The following NDUFAF6 variants were observed in gnomAD, a reference collection of about 807,000 sequenced individuals.
NDUFAF6 encodes the protein NADH dehydrogenase (ubiquinone) complex I, assembly factor 6.
A neutral mutation model predicts 40.8 loss-of-function variants in NDUFAF6; 45 were observed. The observed-to-expected ratio is 1.10, with a 90% CI of 0.87 to 1.42. NDUFAF6 has a LOEUF of 1.42. Ranked by LOEUF, NDUFAF6 falls within the 40% of genes most tolerant of loss-of-function variation. NDUFAF6 has a pLI of 0.00. For synonymous variants in NDUFAF6, 185 were observed against 155.9 expected (o/e 1.19, Z -1.39); for missense variants, 435 against 418.5 (o/e 1.04, Z -0.34).
chr8:94,896,440 C>T (rs909410242), intron 1 of NDUFAF6: 1 of 152,248 alleles, frequency 6.6e-6, no homozygotes, highest in East Asian at 1.9e-4. Flanking sequence ...AATGCCCCCA[C>T]AACTGGCGCA....
intron 2 of NDUFAF6, among the ~76,000 whole-genome samples, chr8:95,014,613 T>TTTATGG (rs1484828585): frequency 3.9e-5 from 6 of 152,222 alleles, no homozygotes; most frequent in Admixed American, 6.5e-5. Flanking sequence ...TGGTTTATGG[T>TTTATGG]TTTGTTTATG....
At chr8:94,956,030 T>G (rs901039915), upstream of NDUFAF6, among the ~76,000 whole-genome samples, 1 of 152,180 alleles carries the variant, frequency 6.6e-6, no homozygotes, top group Non-Finnish European at 1.5e-5. Flanking sequence ...ATCAGCTGAA[T>G]CTAATGGTTA....
chr8:94,906,424 A>G (rs1198856505), intron 1 of NDUFAF6, among the ~76,000 whole-genome samples: 5 of 152,172 alleles, frequency 3.3e-5, no homozygotes, highest in Admixed American at 2.6e-4. Context: ...CTGCTGGTAT[A>G]AGAACCTAAC....
At chr8:94,996,970 GC>G (rs1826458568) in intron 2 of NDUFAF6, among the ~76,000 whole-genome samples, 1 of 152,178 alleles carries the variant, frequency 6.6e-6, no homozygotes, top group African/African-American at 2.4e-5. Flanking sequence ...TGTTGTTTAA[GC>G]CCCAGTACCT....
At chr8:95,094,127 C>T (rs1412156017) in intron 2 of NDUFAF6, among the ~76,000 whole-genome samples, 3 of 152,026 alleles carry the variant, frequency 2.0e-5, no homozygotes, top group Admixed American at 1.3e-4. Flanking sequence ...TGCACCACCA[C>T]GCTTGGCTAA....
At chr8:94,964,736 C>T (rs1823872015) in intron 1 of NDUFAF6, among the ~76,000 whole-genome samples, 1 of 152,180 alleles carries the variant, frequency 6.6e-6, no homozygotes, top group South Asian at 2.1e-4. Context: ...ATTCATGAAT[C>T]ATCTGCCCCT....
intron 2 of NDUFAF6, chr8:95,033,889 C>A (rs1390174427): frequency 2.6e-6 from 1 of 390,712 alleles, no homozygotes; most frequent in African/African-American, 2.1e-5. Context: ...GTTAGGGGCA[C>A]CTGGGTCAGA....
chr8:94,927,120 C>CTTA (rs1819964106), intron 1 of NDUFAF6: 1 of 152,600 alleles, frequency 6.6e-6, no homozygotes, highest in Non-Finnish European at 1.5e-5. Context: ...TGTGGAAACT[C>CTTA]TTAAAGTTTT....
At chr8:95,024,148 A>C (rs889082221), upstream of NDUFAF6, among the ~76,000 whole-genome samples, 2 of 152,262 alleles carry the variant, frequency 1.3e-5, no homozygotes, top group Non-Finnish European at 2.9e-5. Flanking sequence ...GGCCCAGACA[A>C]GCAGGCTCTG....
intron 2 of NDUFAF6, among the ~76,000 whole-genome samples, chr8:95,089,474 A>ATG (rs1809179903): frequency 6.6e-6 from 1 of 151,934 alleles, no homozygotes; most frequent in Non-Finnish European, 1.5e-5. Context: ...ATATATATAT[A>ATG]TAAAAGGGAG....
chr8:94,946,089 T>C (rs976153133), intron 2 of NDUFAF6, among the ~76,000 whole-genome samples: 2 of 134,562 alleles, frequency 1.5e-5, no homozygotes, highest in African/African-American at 2.5e-5. Context: ...ACTTAACACA[T>C]TGGTGCCTTT....
intron 1 of NDUFAF6, among the ~76,000 whole-genome samples, chr8:94,931,801 A>G (rs953454877): frequency 6.6e-6 from 1 of 152,030 alleles, no homozygotes; most frequent in African/African-American, 2.4e-5. Context: ...GTGAAACCCC[A>G]TCTCTACTAA....
At chr8:94,904,154 T>G (rs900970938) in intron 1 of NDUFAF6, among the ~76,000 whole-genome samples, 1 of 151,272 alleles carries the variant, frequency 6.6e-6, no homozygotes, top group African/African-American at 2.4e-5. Flanking sequence ...TGTTTTTTGG[T>G]TTTTTTTGAG....
chr8:95,094,381 TC>T (rs1809371669), intron 2 of NDUFAF6, among the ~76,000 whole-genome samples: 25 of 52,970 alleles, frequency 4.7e-4, no homozygotes, highest in East Asian at 2.0e-3. Flanking sequence ...TTTCTTTCCT[TC>T]TTTCTTTTCT....
downstream of NDUFAF6, among the ~76,000 whole-genome samples, chr8:95,108,417 C>T (rs1487418863): frequency 1.3e-5 from 2 of 152,046 alleles, no homozygotes; most frequent in Non-Finnish European, 2.9e-5. Context: ...TATGCATGAG[C>T]CTCAAAGACA....
chr8:95,055,273 C>A (rs1831980289), intron 8 of NDUFAF6: 1 of 152,062 alleles, frequency 6.6e-6, no homozygotes, highest in African/African-American at 2.4e-5. Context: ...ATTAGCATGG[C>A]CCCTGCACAA....
intron 2 of NDUFAF6, among the ~76,000 whole-genome samples, chr8:94,990,420 C>T (rs1031894214): frequency 2.0e-5 from 3 of 152,154 alleles, no homozygotes; most frequent in Non-Finnish European, 1.5e-5. Flanking sequence ...GTGCCATTTA[C>T]ATCCGAAAAG....
At chr8:95,116,736 G>A (rs1487989426), downstream of NDUFAF6, among the ~76,000 whole-genome samples, 1 of 152,146 alleles carries the variant, frequency 6.6e-6, no homozygotes, top group Non-Finnish European at 1.5e-5. Context: ...CTGTGTGACT[G>A]GATTATTGTG....
At chr8:95,012,414 GA>G (rs1296113974) in intron 2 of NDUFAF6, among the ~76,000 whole-genome samples, 1 of 152,194 alleles carries the variant, frequency 6.6e-6, no homozygotes, top group Non-Finnish European at 1.5e-5. Flanking sequence ...AGCATCAGAG[GA>G]AAGACAGATA....
Sources: allele counts gnomAD v4.1 joint callset (sites outside exome capture counted in the v4.1 genomes callset), GRCh38; gene constraint gnomAD v4.1.1; transcripts MANE v1.5; gene names NCBI Gene and HGNC (gene_info 2026-07-23, HGNC 2026-07-21).